The following COL28A1 variants were observed in gnomAD, a reference collection of about 807,000 sequenced individuals.
COL28A1 encodes collagen alpha-1(XXVIII) chain.
In COL28A1, 161 loss-of-function variants were observed where a neutral mutation model predicts 150.2. The observed-to-expected ratio is 1.07, with a 90% CI of 0.94 to 1.22. COL28A1 has a LOEUF of 1.22. Ranked by LOEUF, COL28A1 falls within the 50% of genes most tolerant of loss-of-function variation. The pLI, the probability that COL28A1 is intolerant of heterozygous loss-of-function variation, is 0.00. For missense variants in COL28A1, 1,617 were observed against 1,388.3 expected, an observed-to-expected ratio of 1.16 and a Z score of -2.62; for synonymous variants, 552 against 469.7, an observed-to-expected ratio of 1.18 and a Z score of -2.26.
intron 13 of COL28A1, among the ~76,000 whole-genome samples, chr7:7,477,461 C>T (rs1218740030): frequency 1.3e-5 from 2 of 152,148 alleles, no homozygotes; most frequent in African/African-American, 2.4e-5. Context: ...ATAGGTTATA[C>T]GCAAATACTA....
In COL28A1 at chr7:7,388,905, C is replaced by G. The variant is rs1000011177; in HGVS notation, c.2137-7293G>C. 6.6e-5 allele frequency among the ~76,000 whole-genome samples: 10 copies of G among 152,220 alleles called. 1 individual carries two copies. The East Asian group carries it at 1.9e-3, about 29-fold the overall frequency. On this transcript the variant is annotated intron_variant, in intron 27 of 34. Coordinates refer to ENST00000399429, the MANE Select transcript of COL28A1 (RefSeq NM_001037763.3). ...TAGATTCTGGATATTAGCCCTTTGT[C>G]AGATGGATAGATAGCAAAAATTTTC...
the COL28A1 span, among the ~76,000 whole-genome samples, chr7:7,541,745 A>G: frequency 6.6e-6 from 1 of 152,206 alleles, no homozygotes; most frequent in Non-Finnish European, 1.5e-5. Context: ...GACGAACGAA[A>G]GAGTGATAAA....
rs1341234038 is a variant in COL28A1, at chr7:7,373,190, G to C, written c.2716C>G (p.Gln906Glu). The change falls in exon 32 of 35, where the codon CAG becomes GAG. Residue 906 changes from glutamine to glutamate, a missense_variant. By Grantham distance (29) the Gln-to-Glu change is conservative (BLOSUM62 2). Coordinates refer to ENST00000399429, the MANE Select transcript of COL28A1 (RefSeq NM_001037763.3). The surrounding 1 kb of genome is among the most constrained non-coding windows in gnomAD (Gnocchi z 4.1). ...TTCTCTTTATCACGAGAATCTGTCT[G>C]TCCATCAGTGATGACCAAGGCCACT... ...KKVALVITDG[Q>E]TDSRDKEKLT... is the part of the protein sequence containing the mutation. 1 of 1,614,166 alleles carries C rather than the reference G, an allele frequency of 6.2e-7. No homozygotes were observed. Among genetic ancestry groups the C allele is most frequent in the Non-Finnish European group, 8.5e-7 (1 of 1,180,032 alleles).
chr7:7,388,728 G>C (rs1056328170), intron 27 of COL28A1, among the ~76,000 whole-genome samples: 4 of 152,106 alleles, frequency 2.6e-5, no homozygotes, highest in Non-Finnish European at 5.9e-5. Flanking sequence ...ATCTCATTGT[G>C]GTTTTGATTG....
intron 15 of COL28A1, among the ~76,000 whole-genome samples, chr7:7,472,439 T>A (rs560462514): frequency 0.024 from 3,596 of 147,930 alleles, 141 homozygotes; most frequent in African/African-American, 0.084. Context: ...AAAAAAAAAA[T>A]AAAATACTTA....
chr7:7,503,739 A>G (rs909205683), intron 11 of COL28A1, among the ~76,000 whole-genome samples: 3 of 152,242 alleles, frequency 2.0e-5, no homozygotes, highest in African/African-American at 7.2e-5. Context: ...AGATCCAAAG[A>G]GCAGTAGAAA....
At chr7:7,422,163 CCAA>C (rs1784413713) in intron 25 of COL28A1, among the ~76,000 whole-genome samples, 1 of 152,188 alleles carries the variant, frequency 6.6e-6, no homozygotes, top group Non-Finnish European at 1.5e-5. Context: ...TTGACACTCT[CCAA>C]CAAAACAAGT....
chr7:7,426,169 A>G (rs1453907024), intron 25 of COL28A1, among the ~76,000 whole-genome samples: 2 of 152,244 alleles, frequency 1.3e-5, no homozygotes, highest in African/African-American at 4.8e-5. Flanking sequence ...ATGGTACTCT[A>G]AAGATTCTGC....
At chr7:7,457,352 T>C (rs1787250643) in intron 15 of COL28A1, among the ~76,000 whole-genome samples, 1 of 152,014 alleles carries the variant, frequency 6.6e-6, no homozygotes. Flanking sequence ...CTGGATAATG[T>C]TGAAGGTAGA....
At chr7:7,477,070 G>A (rs377350868) in intron 14 of COL28A1, 42 bp downstream of exon 14, 26 of 880,894 alleles carry the variant, frequency 3.0e-5, no homozygotes, top group Non-Finnish European at 4.9e-5. Flanking sequence ...TCACGAGCAT[G>A]TAAGACAAAG....
chr7:7,496,296 A>G (rs1780206090), intron 11 of COL28A1, among the ~76,000 whole-genome samples: 1 of 152,198 alleles, frequency 6.6e-6, no homozygotes, highest in Non-Finnish European at 1.5e-5. Context: ...GCTCATTACT[A>G]TAATTCACTC....
intron 27 of COL28A1, among the ~76,000 whole-genome samples, chr7:7,398,597 G>C (rs1267465188): frequency 6.6e-6 from 1 of 152,186 alleles, no homozygotes; most frequent in Non-Finnish European, 1.5e-5. Context: ...GGGTGCCATG[G>C]CTTTGAGGGG....
rs778969724 is a variant in COL28A1 at position 7,532,739 on chromosome 7, T to G, written c.124+13A>C. The G allele has an allele frequency of 6.4e-6, 10 of 1,567,854 alleles. No individual in the cohort carries two copies. The East Asian group carries it at 1.8e-4, about 28-fold the overall frequency. On this transcript the variant is annotated intron_variant, in intron 2 of 34. Coordinates refer to ENST00000399429, the MANE Select transcript of COL28A1 (RefSeq NM_001037763.3). The stretch of plus-strand genomic sequence containing the variant: ...AGGCTAAACTTAAAAACAAACAATT[T>G]TTTTTTTTTTACCCTGGACATCACT...
chr7:7,388,233 A>C (rs1782313985), intron 27 of COL28A1, among the ~76,000 whole-genome samples: 1 of 146,522 alleles, frequency 6.8e-6, no homozygotes, highest in South Asian at 2.2e-4. Flanking sequence ...TCATTTTTCA[A>C]CTCCCAGTTA....
chr7:7,439,700 C>T (rs1019967341), intron 21 of COL28A1, among the ~76,000 whole-genome samples: 1 of 152,120 alleles, frequency 6.6e-6, no homozygotes, highest in Non-Finnish European at 1.5e-5. Context: ...ACTAATACAA[C>T]ACATCTGTTA....
intron 31 of COL28A1, among the ~76,000 whole-genome samples, chr7:7,374,277 CTT>C (rs1251517668): frequency 4.6e-5 from 7 of 152,156 alleles, no homozygotes; most frequent in African/African-American, 1.7e-4. Flanking sequence ...ATATTTCAGT[CTT>C]CAACCATAGC....
At chr7:7,493,871 G>C (rs1368127293) in intron 11 of COL28A1, among the ~76,000 whole-genome samples, 3 of 150,102 alleles carry the variant, frequency 2.0e-5, no homozygotes, top group Non-Finnish European at 3.0e-5. Context: ...CACACACAAA[G>C]ACAGAGAGAT....
chr7:7,478,163 C>A (rs527628673), intron 13 of COL28A1, among the ~76,000 whole-genome samples: 5 of 151,234 alleles, frequency 3.3e-5, no homozygotes, highest in Admixed American at 1.3e-4. Flanking sequence ...AGAGTGCCGA[C>A]TGGTGCATTC....
At chr7:7,429,330 G>A (rs947030151) in intron 25 of COL28A1, among the ~76,000 whole-genome samples, 5 of 151,922 alleles carry the variant, frequency 3.3e-5, no homozygotes, top group African/African-American at 4.8e-5. Context: ...AGAATTTCCC[G>A]TACTTTACCA....
Sources: gnomAD v4.1 joint callset for allele counts (sites outside exome capture counted in the v4.1 genomes callset) on GRCh38, gnomAD v4.1.1 for gene constraint, Gnocchi (gnomAD v3.1) non-coding constraint, MANE v1.5 for transcripts, NCBI Gene and HGNC (gene_info 2026-07-23, HGNC 2026-07-21) for gene names.